CDON: variants seen among roughly 807,000 people sequenced by gnomAD.
The protein encoded by CDON is cell adhesion molecule-related/down-regulated by oncogenes.
Under a neutral mutation model 120.9 loss-of-function variants are expected in CDON, and 73 were observed. The ratio of observed to expected loss-of-function variants is 0.60; its 90% CI spans 0.50 to 0.73. The LOEUF is 0.73. Ranked by LOEUF, CDON falls within the 30% of genes least tolerant of loss-of-function variation. The probability of loss-of-function intolerance (pLI) is 0.00; values close to 1 mark genes in which losing one functional copy is unlikely to be tolerated. For synonymous variants in CDON, 566 were observed against 573.5 expected (o/e 0.99, Z 0.19); for missense variants, 1,470 against 1,587.3 (o/e 0.93, Z 1.26).
intron 1 of CDON, among the ~76,000 whole-genome samples, chr11:126,037,053 G>A (rs1016076883): frequency 6.6e-6 from 1 of 151,910 alleles, no homozygotes; most frequent in African/African-American, 2.4e-5. Context: ...TAAGAATGCT[G>A]GGGGATGGAT....
chr11:126,045,724 A>G (rs1366243291), intron 1 of CDON, among the ~76,000 whole-genome samples: 3 of 152,192 alleles, frequency 2.0e-5, no homozygotes, highest in Non-Finnish European at 4.4e-5. Flanking sequence ...TAATCCCAGC[A>G]CTTTGGGAGG....
intron 8 of CDON, 37 bp downstream of exon 8, chr11:126,010,304 A>T: frequency 7.5e-7 from 1 of 1,339,600 alleles, no homozygotes; most frequent in Non-Finnish European, 1.0e-6. Flanking sequence ...ATAAAAGGAA[A>T]TTACTCAACT....
chr11:126,023,410 C>T lies in CDON; in HGVS notation c.67G>A (p.Val23Met). 6.2e-7 allele frequency: 1 copy of T among 1,608,966 alleles called. No homozygotes were observed. The highest frequency in any genetic ancestry group is 1.3e-5 in the African/African-American group (1 of 74,938). The change falls in exon 2 of 20, where the codon GTG (valine) becomes ATG (methionine). Residue 23 changes from valine to methionine, a missense_variant. Physicochemically the swap from Val to Met is conservative, Grantham distance 21 (BLOSUM62 1). Coordinates refer to ENST00000531738, the MANE Select transcript of CDON (RefSeq NM_001378964.1). ...YVTLTILCSS[V>M]SSDLAPYFTS... is the part of the protein sequence containing the mutation. ...CCAATTCTACTCTTACCTGAACTCA[C>T]AGAAGAGCACAGAATTGTAAGAGTA...
chr11:126,015,567 T>C lies in CDON; in HGVS notation c.929-57A>G, dbSNP rs529057981. On this transcript the variant is annotated intron_variant, in intron 6 of 19. Coordinates refer to ENST00000531738, the MANE Select transcript of CDON (RefSeq NM_001378964.1). ...CCCTCAAAATGTACTTCTTAAATTA[T>C]CACTCGAGTGATAAAAATCTTCTCT... 4 of 1,556,552 alleles carry C rather than the reference T, an allele frequency of 2.6e-6. No individual in the cohort carries two copies. In the East Asian group the frequency reaches 9.2e-5, roughly 36 times the overall value.
rs111461603 is a variant in CDON, at chr11:126,015,643, G to A, written c.929-133C>T. On this transcript the variant is annotated intron_variant, in intron 6 of 19. Transcript: ENST00000531738. ...TTGCATTGTTTATTCACATTCTTCT[G>A]TCTGCTGTGGTAATCAAGAAAAAAA... 6.4e-5 allele frequency: 59 copies of A among 914,854 alleles called. No individual in the cohort carries two copies. The East Asian group carries it at 1.5e-3, about 24-fold the overall frequency. 56.7% of individuals were successfully genotyped at this position (914,854 alleles called of 1,614,324 possible). A position where few individuals can be genotyped will look rare whatever the true frequency, so the allele number is the denominator to read the frequency against.
chr11:125,989,836 G>T lies in CDON; in HGVS notation c.2651-77C>A, dbSNP rs1192600908. On this transcript the variant is annotated intron_variant, in intron 14 of 19. Transcript: ENST00000531738. The stretch of plus-strand genomic sequence containing the variant: ...TCAATATAATTAGTTAATGTTTTCA[G>T]GATGAGGCTGGAGCAGCATCCACTA... 2.8e-5 allele frequency: 38 copies of T among 1,376,352 alleles called. No individual in the cohort carries two copies. In the Admixed American group the frequency reaches 7.3e-4, roughly 27 times the overall value. The allele number at this position is 1,376,352 out of a possible 1,614,324, so 85.3% of individuals were successfully genotyped here. A position where few individuals can be genotyped will look rare whatever the true frequency, so the allele number is the denominator to read the frequency against.
intron 6 of CDON, among the ~76,000 whole-genome samples, chr11:126,016,489 G>A (rs1199723567): frequency 6.6e-6 from 1 of 152,124 alleles, no homozygotes; most frequent in Non-Finnish European, 1.5e-5. Context: ...CTGGAGTGCG[G>A]TGGCGTGATC....
chr11:126,057,089 ATTTGGT>A (rs969387483), intron 1 of CDON, among the ~76,000 whole-genome samples: 23 of 152,190 alleles, frequency 1.5e-4, no homozygotes, highest in African/African-American at 5.1e-4. Context: ...TTTTCAAAGT[ATTTGGT>A]TTATGGAATT....
At chr11:125,992,416 T>C (rs1483645107) in intron 14 of CDON, among the ~76,000 whole-genome samples, 1 of 152,196 alleles carries the variant, frequency 6.6e-6, no homozygotes, top group Non-Finnish European at 1.5e-5. Context: ...TACAGCTCAA[T>C]GAATGTTCAC....
rs1404153786 is a variant in CDON at position 125,969,199 on chromosome 11, T to C, written c.3357-7201A>G. 2.0e-5 allele frequency among the ~76,000 whole-genome samples: 3 copies of C among 152,222 alleles called. No individual in the cohort carries two copies. The East Asian group carries it at 5.8e-4, about 29-fold the overall frequency. ...TTTTAGTAGAGACAGGGTTTCTCCA[T>C]GTTGGTCAGGCTGGTCTTGAACTCC... On this transcript the variant is annotated intron_variant, in intron 18 of 19. Coordinates refer to ENST00000531738, the MANE Select transcript of CDON (RefSeq NM_001378964.1).
intron 18 of CDON, among the ~76,000 whole-genome samples, chr11:125,965,288 T>A (rs757881916): frequency 9.2e-5 from 14 of 152,202 alleles, no homozygotes; most frequent in Non-Finnish European, 1.8e-4. Flanking sequence ...TTAGCTTGTA[T>A]CAGAACAATT....
intron 1 of CDON, among the ~76,000 whole-genome samples, chr11:126,031,778 G>A (rs553325780): frequency 4.1e-4 from 63 of 152,238 alleles, no homozygotes; most frequent in South Asian, 6.2e-4. Context: ...AGGTAACTAC[G>A]AGCCTTAAGA....
chr11:126,005,877 T>C lies in CDON; in HGVS notation c.1733A>G (p.Asp578Gly), dbSNP rs1947110026. The change falls in exon 9 of 20, where the codon GAT becomes GGT. Residue 578 changes from aspartate (D) to glycine (G), a missense_variant. Physicochemically the swap from Asp to Gly is moderately conservative, Grantham distance 94. Transcript: ENST00000531738. ...EKNASGISVP[D>G]APIILSPPQT... is the part of the protein sequence containing the mutation. ...TGGGGGGCTCAGTATGATGGGGGCATCAGGAACAGAGATGCCGCTGGCGTT... is the reference window on the plus strand; with the variant it reads ...TGGGGGGCTCAGTATGATGGGGGCACCAGGAACAGAGATGCCGCTGGCGTT... The C allele has an allele frequency of 6.2e-7, 1 of 1,614,124 alleles. No homozygotes were observed.
At chr11:126,050,227 AC>A in intron 1 of CDON, among the ~76,000 whole-genome samples, 1 of 141,630 alleles carries the variant, frequency 7.1e-6, no homozygotes, top group Non-Finnish European at 1.5e-5. Context: ...AAGCAAAAAA[AC>A]AAAAAAAAAG....
chr11:126,001,785 C>T lies in CDON; in HGVS notation c.2092G>A (p.Val698Ile), dbSNP rs540592065. ...TTGTTGTTTGCAGCCTCTGAAACAA[C>T]GGGATACTTAGGGATGCCCACGGGT... is the stretch of plus-strand genomic sequence containing the variant. Reference protein sequence around the residue: ...SPPVGIPKYPVVSEAANNNFG... With the variant: ...SPPVGIPKYPIVSEAANNNFG... The change falls in exon 11 of 20, where the codon GTT becomes ATT. Residue 698 changes from valine to isoleucine, a missense_variant. By Grantham distance (29) the Val-to-Ile change is conservative (BLOSUM62 3). Coordinates refer to ENST00000531738, the MANE Select transcript of CDON (RefSeq NM_001378964.1). 7.4e-6 allele frequency: 12 copies of T among 1,612,790 alleles called. No individual in the cohort carries two copies. Among genetic ancestry groups the T allele is most frequent in the South Asian group, 3.3e-5 (3 of 91,068 alleles).
chr11:125,974,687 T>C (rs1395398960), intron 18 of CDON, among the ~76,000 whole-genome samples: 1 of 152,176 alleles, frequency 6.6e-6, no homozygotes, highest in Admixed American at 6.5e-5. Context: ...ATTACTTGGA[T>C]AGAACTTAAA....
At position 125,994,389 on chromosome 11, in the gene CDON, A is replaced by G; in HGVS notation, c.2545T>C (p.Tyr849His). 6.8e-7 allele frequency: 1 copy of G among 1,478,630 alleles called. No homozygotes were observed. The highest frequency in any genetic ancestry group is 9.5e-7 in the Non-Finnish European group (1 of 1,056,498). 91.6% of individuals were successfully genotyped at this position (1,478,630 alleles called of 1,614,324 possible). A position where few individuals can be genotyped will look rare whatever the true frequency, so the allele number is the denominator to read the frequency against. Residue 849 changes from tyrosine to histidine, a missense_variant and splice_region_variant, in exon 14 of 20, where the codon TAC becomes CAC. By Grantham distance (83) the Tyr-to-His change is moderately conservative. Transcript: ENST00000531738. ...GTGTTATTGTTACTTGATGGAATGTACTAAAAAACAGAAGCAAAGACTTGT... is the reference window on the plus strand; with the variant it reads ...GTGTTATTGTTACTTGATGGAATGTGCTAAAAAACAGAAGCAAAGACTTGT... ...SDTQIMLKWT[Y>H]IPSSNNNTPI... is the part of the protein sequence containing the mutation.
Position 126,005,874 on chromosome 11 carries a change from G to A in CDON, c.1736C>T (p.Ala579Val), listed in dbSNP as rs765455628. 1 of 1,614,006 alleles carries A rather than the reference G, an allele frequency of 6.2e-7. No homozygotes were observed. The highest frequency in any genetic ancestry group is 1.1e-5 in the South Asian group (1 of 91,080). The stretch of plus-strand genomic sequence containing the variant: ...CTGTGGGGGGCTCAGTATGATGGGG[G>A]CATCAGGAACAGAGATGCCGCTGGC... ...KNASGISVPDAPIILSPPQTH... is the reference protein window; with the variant it reads ...KNASGISVPDVPIILSPPQTH... The change falls in exon 9 of 20, where the codon GCC (alanine) becomes GTC (valine). Residue 579 changes from alanine (A) to valine (V), a missense_variant. Ala to Val is a moderately conservative substitution (Grantham distance 64, BLOSUM62 0). Coordinates refer to ENST00000531738, the MANE Select transcript of CDON (RefSeq NM_001378964.1).
chr11:126,007,745 A>G (rs1042138558), intron 8 of CDON, among the ~76,000 whole-genome samples: 5 of 152,218 alleles, frequency 3.3e-5, no homozygotes, highest in African/African-American at 9.6e-5. Flanking sequence ...AGACCTCTCC[A>G]GAACTTTTAT....
Sources: gnomAD v4.1 joint callset for allele counts (sites outside exome capture counted in the v4.1 genomes callset) on GRCh38, gnomAD v4.1.1 for gene constraint, MANE v1.5 for transcripts, NCBI Gene and HGNC (gene_info 2026-07-23, HGNC 2026-07-21) for gene names.